The following ATP8A2 variants were observed in gnomAD, a reference collection of about 807,000 sequenced individuals.
The protein encoded by ATP8A2 is phospholipid-transporting ATPase IB.
Under a neutral mutation model 165.6 loss-of-function variants are expected in ATP8A2, and 100 were observed. The ratio of observed to expected loss-of-function variants is 0.60; its 90% confidence interval spans 0.51 to 0.71. The LOEUF is 0.71. ATP8A2 is among the 30% of genes least tolerant of loss of function. The probability of loss-of-function intolerance (pLI) is 0.00; values close to 1 mark genes in which losing one functional copy is unlikely to be tolerated. For synonymous variants in ATP8A2, 543 were observed against 548.8 expected, an observed-to-expected ratio of 0.99 and a Z score of 0.15; for missense variants, 1,227 against 1,479.5, an observed-to-expected ratio of 0.83 and a Z score of 2.80.
At chr13:25,850,814 G>T (rs1263408603) in intron 30 of ATP8A2, among the ~76,000 whole-genome samples, 1 of 152,202 alleles carries the variant, frequency 6.6e-6, no homozygotes, top group African/African-American at 2.4e-5. Flanking sequence ...GCAAGCTGTA[G>T]CTTGGAAACA....
intron 1 of ATP8A2, among the ~76,000 whole-genome samples, chr13:25,399,803 C>T (rs1400329800): frequency 6.7e-6 from 1 of 150,208 alleles, no homozygotes; most frequent in African/African-American, 2.5e-5. Flanking sequence ...CTTCTTTCTT[C>T]TTCTCCTTCC....
At chr13:25,398,908 A>G (rs111500378) in intron 1 of ATP8A2, among the ~76,000 whole-genome samples, 16 of 49,274 alleles carry the variant, frequency 3.2e-4, no homozygotes, top group African/African-American at 7.9e-4. Flanking sequence ...GAAGTAATGC[A>G]TATGAAAAAA....
chr13:25,794,922 T>A (rs1212861538), intron 27 of ATP8A2, among the ~76,000 whole-genome samples: 1 of 151,760 alleles, frequency 6.6e-6, no homozygotes, highest in Non-Finnish European at 1.5e-5. Context: ...TTTTATGGGA[T>A]TTATAGGATG....
At chr13:25,862,821 T>A (rs1952397236) in intron 33 of ATP8A2, among the ~76,000 whole-genome samples, 1 of 152,214 alleles carries the variant, frequency 6.6e-6, no homozygotes, top group Non-Finnish European at 1.5e-5. Context: ...CTCTGCTGGG[T>A]CACCTGTGAC....
chr13:25,737,813 G>A (rs1433685994), intron 25 of ATP8A2, among the ~76,000 whole-genome samples: 1 of 152,188 alleles, frequency 6.6e-6, no homozygotes, highest in Non-Finnish European at 1.5e-5. Flanking sequence ...CTCCCGAGTA[G>A]CTGGGACTTC....
intron 33 of ATP8A2, 124 bp from the exon 34 acceptor site, chr13:25,961,451 C>T: frequency 4.0e-6 from 3 of 752,486 alleles, no homozygotes; most frequent in South Asian, 3.4e-5. Context: ...GCATGGGTTA[C>T]CTCTCATTGC....
chr13:25,751,414 C>T (rs890913497), intron 25 of ATP8A2, among the ~76,000 whole-genome samples: 7 of 152,210 alleles, frequency 4.6e-5, no homozygotes, highest in Admixed American at 4.6e-4. Context: ...TGAGTGAAAC[C>T]TTGAAGTGTT....
chr13:25,739,081 G>C (rs576099560), intron 25 of ATP8A2, among the ~76,000 whole-genome samples: 7 of 152,328 alleles, frequency 4.6e-5, no homozygotes, highest in African/African-American at 1.2e-4. Flanking sequence ...TGAACTTCTG[G>C]AGCAGGAGAG....
At chr13:25,610,727 G>A (rs927918403) in intron 24 of ATP8A2, among the ~76,000 whole-genome samples, 8 of 151,798 alleles carry the variant, frequency 5.3e-5, no homozygotes, top group African/African-American at 1.7e-4. Context: ...CCATTCGTGG[G>A]ATGTATTTCC....
chr13:25,486,342 A>G (rs927875255), intron 2 of ATP8A2, among the ~76,000 whole-genome samples: 1 of 152,248 alleles, frequency 6.6e-6, no homozygotes, highest in Admixed American at 6.5e-5. Flanking sequence ...AGTAGATTAT[A>G]AGAAAGTTAA....
At chr13:25,983,868 G>T (rs1485724752) in intron 35 of ATP8A2, among the ~76,000 whole-genome samples, 1 of 152,116 alleles carries the variant, frequency 6.6e-6, no homozygotes. Flanking sequence ...ACATTCCAGA[G>T]TGCCCAAGGA....
intron 24 of ATP8A2, among the ~76,000 whole-genome samples, chr13:25,605,326 A>G (rs1199859258): frequency 6.6e-6 from 1 of 152,196 alleles, no homozygotes; most frequent in Non-Finnish European, 1.5e-5. Flanking sequence ...GATTATAGCC[A>G]TCAAGCTTTG....
At chr13:25,669,209 T>C (rs1306497127) in intron 24 of ATP8A2, among the ~76,000 whole-genome samples, 1 of 152,190 alleles carries the variant, frequency 6.6e-6, no homozygotes, top group African/African-American at 2.4e-5. Flanking sequence ...TTGTTGACTC[T>C]TGAGGGCTGC....
rs1289954936 is a variant in ATP8A2 at position 25,980,976 on chromosome 13, T to C, written c.3377+12297T>C. On this transcript the variant is annotated intron_variant, in intron 35 of 36. Transcript: ENST00000381655. Reference sequence around the variant, plus strand: ...ATGAATTTATGATATGTGTTCAAATTAAGACATTTATTGTTCTAAAGTCAA... The same window carrying C: ...ATGAATTTATGATATGTGTTCAAATCAAGACATTTATTGTTCTAAAGTCAA... 3.9e-5 allele frequency among the ~76,000 whole-genome samples: 6 copies of C among 152,230 alleles called. No homozygotes were observed. In the East Asian group the frequency reaches 1.2e-3, roughly 29 times the overall value.
intron 24 of ATP8A2, among the ~76,000 whole-genome samples, chr13:25,651,939 T>C (rs891724550): frequency 1.3e-5 from 2 of 152,180 alleles, no homozygotes; most frequent in African/African-American, 4.8e-5. Flanking sequence ...TATTTAGAAA[T>C]GAAAGATTAA....
Position 26,020,638 on chromosome 13 carries a change from C to T in ATP8A2, c.*653C>T. ...GAGTCTTCCGCACCCTCTCCAGGTG[C>T]ACTCGGCCCAGTCCTGCCGCCGTGT... On this transcript the variant is annotated 3_prime_UTR_variant, in exon 37 of 37. Coordinates refer to ENST00000381655, the MANE Select transcript of ATP8A2 (RefSeq NM_016529.6). 6.5e-6 allele frequency: 1 copy of T among 153,140 alleles called. No homozygotes were observed. Among genetic ancestry groups the T allele is most frequent in the Non-Finnish European group, 1.5e-5 (1 of 68,718 alleles). 9.5% of individuals were successfully genotyped at this position (153,140 alleles called of 1,614,324 possible).
intron 24 of ATP8A2, among the ~76,000 whole-genome samples, chr13:25,655,949 A>G (rs1361138414): frequency 6.6e-6 from 1 of 152,204 alleles, no homozygotes; most frequent in Non-Finnish European, 1.5e-5. Context: ...ATTTCAATGT[A>G]TGTAAATAAA....
intron 33 of ATP8A2, among the ~76,000 whole-genome samples, chr13:25,898,412 C>T (rs755278315): frequency 3.0e-4 from 46 of 152,172 alleles, no homozygotes; most frequent in Admixed American, 9.2e-4. Context: ...AGTACCCAGC[C>T]GTGTGAGGTG....
chr13:25,674,934 G>T (rs2042342884), intron 24 of ATP8A2, among the ~76,000 whole-genome samples: 3 of 152,186 alleles, frequency 2.0e-5, no homozygotes, highest in Admixed American at 6.5e-5. Context: ...GTGCTACTGA[G>T]TAGTTTGAAA....
Sources: allele counts gnomAD v4.1 joint callset (sites outside exome capture counted in the v4.1 genomes callset), GRCh38; gene constraint gnomAD v4.1.1; transcripts MANE v1.5; gene names NCBI Gene and HGNC (gene_info 2026-07-23, HGNC 2026-07-21).